Variants in TAFA1 observed in about 807,000 individuals in gnomAD.
TAFA1 encodes chemokine-like protein TAFA-1.
In TAFA1, 4 loss-of-function variants were observed where a neutral mutation model predicts 18.5. The observed-to-expected ratio is 0.22, with a 90% CI of 0.11 to 0.49. The LOEUF is 0.49. Ranked by LOEUF, TAFA1 falls within the 20% of genes least tolerant of loss-of-function variation. TAFA1 has a pLI of 0.98. For missense variants in TAFA1, 147 were observed against 169.0 expected, an observed-to-expected ratio of 0.87 and a Z score of 0.72; for synonymous variants, 56 against 55.2, an observed-to-expected ratio of 1.01 and a Z score of -0.06.
chr3:68,268,063 T>G lies in TAFA1; in HGVS notation c.119-149217T>G, dbSNP rs570916456. 6.8e-4 allele frequency among the ~76,000 whole-genome samples: 103 copies of G among 152,308 alleles called. 1 individual carries two copies. In the South Asian group the frequency reaches 0.021, roughly 31 times the overall value. On this transcript the variant is annotated intron_variant, in intron 2 of 4. Coordinates refer to ENST00000478136, the MANE Select transcript of TAFA1 (RefSeq NM_213609.4). ...CTTGTTCTTTGTGTTGAAAAATTTC[T>G]GACTTTGTTTCAAAGAGGTGTTAAG...
At chr3:68,197,207 T>G (rs2066420579) in intron 2 of TAFA1, among the ~76,000 whole-genome samples, 1 of 151,788 alleles carries the variant, frequency 6.6e-6, no homozygotes, top group African/African-American at 2.4e-5. Context: ...CAGGTTTATT[T>G]AGAAATATTT....
intron 2 of TAFA1, among the ~76,000 whole-genome samples, chr3:68,305,105 A>T (rs1487647518): frequency 6.6e-6 from 1 of 152,030 alleles, no homozygotes; most frequent in Non-Finnish European, 1.5e-5. Flanking sequence ...ATGTGTCTGC[A>T]GTGTCTCTGG....
chr3:68,374,675 A>G (rs949034015), intron 2 of TAFA1, among the ~76,000 whole-genome samples: 15 of 152,178 alleles, frequency 9.9e-5, no homozygotes, highest in Non-Finnish European at 8.8e-5. Context: ...AAAAACCGCA[A>G]TGCTGTGTCA....
chr3:68,196,008 T>C (rs1370990888), intron 2 of TAFA1, among the ~76,000 whole-genome samples: 2 of 151,646 alleles, frequency 1.3e-5, no homozygotes, highest in Admixed American at 6.6e-5. Context: ...GCATCAGAAA[T>C]GTATAGAGTT....
chr3:68,293,915 A>C lies in TAFA1; in HGVS notation c.119-123365A>C, dbSNP rs2068159231. 2.6e-5 allele frequency among the ~76,000 whole-genome samples: 4 copies of C among 152,178 alleles called. No homozygotes were observed. The South Asian group carries it at 8.3e-4, about 32-fold the overall frequency. ...AGAAAAGAGAACCTTGTCAAAAAAC[A>C]CAAAGAAGCAGAACTTGATCAAAGT... On this transcript the variant is annotated intron_variant, in intron 2 of 4. Coordinates refer to ENST00000478136, the MANE Select transcript of TAFA1 (RefSeq NM_213609.4).
chr3:68,116,180 A>C (rs1404770246), intron 2 of TAFA1, among the ~76,000 whole-genome samples: 1 of 152,160 alleles, frequency 6.6e-6, no homozygotes, highest in Non-Finnish European at 1.5e-5. Flanking sequence ...GCATGAACCC[A>C]GGAGACGGAG....
At chr3:68,100,755 C>T (rs1178306178) in intron 2 of TAFA1, among the ~76,000 whole-genome samples, 3 of 152,128 alleles carry the variant, frequency 2.0e-5, no homozygotes, top group African/African-American at 7.2e-5. Flanking sequence ...AGATACTCTG[C>T]TCTGAAATCA....
At chr3:67,993,202 G>A in the TAFA1 span, among the ~76,000 whole-genome samples, 9 of 152,342 alleles carry the variant, frequency 5.9e-5, no homozygotes, top group African/African-American at 2.2e-4. Context: ...CAATTTCCCT[G>A]GATATTCTTT....
At chr3:68,000,340 A>G (rs1190344974), upstream of TAFA1, among the ~76,000 whole-genome samples, 2 of 152,226 alleles carry the variant, frequency 1.3e-5, no homozygotes, top group African/African-American at 4.8e-5. Flanking sequence ...ATAGCTATTA[A>G]CACTTGTATT....
At chr3:68,146,323 G>A (rs1188298153) in intron 2 of TAFA1, among the ~76,000 whole-genome samples, 3 of 150,894 alleles carry the variant, frequency 2.0e-5, no homozygotes, top group Non-Finnish European at 4.4e-5. Context: ...GTGTAGATGA[G>A]GAAGTTTGTC....
chr3:68,232,942 A>G (rs962463360), intron 2 of TAFA1, among the ~76,000 whole-genome samples: 3 of 152,200 alleles, frequency 2.0e-5, no homozygotes, highest in Non-Finnish European at 1.5e-5. Flanking sequence ...ACTGCTTTCC[A>G]TAATGGCTCT....
intron 2 of TAFA1, among the ~76,000 whole-genome samples, chr3:68,265,260 T>C (rs73097363): frequency 0.023 from 3,499 of 152,290 alleles, 47 homozygotes; most frequent in Non-Finnish European, 0.035. Context: ...GTGGATTTCA[T>C]TTTCTTTGTC....
chr3:68,350,487 A>G (rs972771739), intron 2 of TAFA1, among the ~76,000 whole-genome samples: 8 of 152,146 alleles, frequency 5.3e-5, no homozygotes, highest in Admixed American at 5.2e-4. Flanking sequence ...TTAGAACTAC[A>G]GATACCTAGG....
intron 2 of TAFA1, among the ~76,000 whole-genome samples, chr3:68,350,409 A>G (rs371983031): frequency 1.3e-5 from 2 of 152,088 alleles, no homozygotes; most frequent in African/African-American, 4.8e-5. Flanking sequence ...GAGTTTCTCA[A>G]AGGCTGGTCC....
chr3:68,311,134 C>A (rs1009525965), intron 2 of TAFA1, among the ~76,000 whole-genome samples: 1 of 152,006 alleles, frequency 6.6e-6, no homozygotes, highest in Admixed American at 6.6e-5. Flanking sequence ...CTCATGAGAC[C>A]CATTCACTAT....
At chr3:68,512,278 G>C (rs1263604859) in intron 3 of TAFA1, among the ~76,000 whole-genome samples, 5 of 152,096 alleles carry the variant, frequency 3.3e-5, no homozygotes, top group African/African-American at 1.2e-4. Flanking sequence ...GAACTGAGAT[G>C]CTTCCAAAAT....
chr3:68,062,935 A>C (rs950987933), intron 2 of TAFA1, among the ~76,000 whole-genome samples: 8 of 152,192 alleles, frequency 5.3e-5, no homozygotes, highest in Non-Finnish European at 1.0e-4. Flanking sequence ...CTTCAGTGGC[A>C]GTCTTAAGTC....
At chr3:68,536,490 A>G (rs1460033348) in intron 3 of TAFA1, among the ~76,000 whole-genome samples, 1 of 152,158 alleles carries the variant, frequency 6.6e-6, no homozygotes, top group Non-Finnish European at 1.5e-5. Context: ...CGTCCCGTGT[A>G]AAAACAGCCA....
intron 3 of TAFA1, among the ~76,000 whole-genome samples, chr3:68,449,610 A>G (rs1209789021): frequency 6.6e-6 from 1 of 152,148 alleles, no homozygotes; most frequent in African/African-American, 2.4e-5. Context: ...AAAAAACACA[A>G]AGATCTAATA....
Sources: allele counts gnomAD v4.1 joint callset (sites outside exome capture counted in the v4.1 genomes callset), GRCh38; gene constraint gnomAD v4.1.1; transcripts MANE v1.5; gene names NCBI Gene and HGNC (gene_info 2026-07-23, HGNC 2026-07-21).